The following SPTAN1 variants were observed in gnomAD, a reference collection of about 807,000 sequenced individuals.
SPTAN1 encodes the protein spectrin alpha, non-erythrocytic 1.
In SPTAN1, 61 loss-of-function variants were observed where a neutral mutation model predicts 331.3. The ratio of observed to expected loss-of-function variants is 0.18; its 90% CI spans 0.15 to 0.23. The LOEUF (loss-of-function observed/expected upper bound fraction) is 0.23, where lower values mean the gene tolerates loss of function less well. SPTAN1 is among the 10% of genes least tolerant of loss of function. SPTAN1 has a pLI of 1.00. For missense variants in SPTAN1, 2,043 were observed against 3,147.9 expected, an observed-to-expected ratio of 0.65 and a Z score of 8.40; for synonymous variants, 1,153 against 1,173.9, an observed-to-expected ratio of 0.98 and a Z score of 0.36.
chr9:128,576,246 A>G (rs1224225669), intron 5 of SPTAN1, among the ~76,000 whole-genome samples: 1 of 152,206 alleles, frequency 6.6e-6, no homozygotes, highest in Non-Finnish European at 1.5e-5. Flanking sequence ...ATACTTTTAA[A>G]GAAATGTCTC....
At chr9:128,618,215 C>T in intron 43 of SPTAN1, 107 bp downstream of exon 43, 1 of 1,531,114 alleles carries the variant, frequency 6.5e-7, no homozygotes, top group South Asian at 1.2e-5. Context: ...TCTCCTGGAC[C>T]TTTGGCCTCA....
chr9:128,586,002 A>G (rs988126368), intron 19 of SPTAN1, 37 bp downstream of exon 19: 2 of 1,592,280 alleles, frequency 1.3e-6, no homozygotes, highest in South Asian at 1.1e-5. Flanking sequence ...CTGCCAGGGA[A>G]GTGGAACAGG....
intron 49 of SPTAN1, chr9:128,626,977 G>A: frequency 3.4e-6 from 2 of 592,742 alleles, no homozygotes; most frequent in Non-Finnish European, 6.3e-6. Flanking sequence ...ACCACGCCTG[G>A]CTAATTATTT....
intron 1 of SPTAN1, among the ~76,000 whole-genome samples, chr9:128,562,958 C>A (rs1443243225): frequency 7.1e-6 from 1 of 140,782 alleles, no homozygotes. Flanking sequence ...GAGTGAGACT[C>A]CGTCTAAAAA....
intron 11 of SPTAN1, among the ~76,000 whole-genome samples, chr9:128,581,454 C>T (rs1851927707): frequency 1.5e-5 from 2 of 129,902 alleles, no homozygotes; most frequent in South Asian, 2.5e-4. Flanking sequence ...GCCTGTGCAA[C>T]AGACCGAGAT....
intron 2 of SPTAN1, among the ~76,000 whole-genome samples, chr9:128,568,425 G>A (rs1230146384): frequency 6.6e-6 from 1 of 152,234 alleles, no homozygotes; most frequent in Non-Finnish European, 1.5e-5. Context: ...GTATGGTTCT[G>A]TATTTCTAGA....
intron 46 of SPTAN1, chr9:128,624,826 T>A (rs1858488238): frequency 5.2e-6 from 3 of 571,502 alleles, no homozygotes; most frequent in Non-Finnish European, 6.2e-6. Context: ...AGCTCCTGGG[T>A]GAGGGAAAAC....
chr9:128,588,645 T>A (rs914524155), intron 20 of SPTAN1, among the ~76,000 whole-genome samples, 164 bp from the exon 21 acceptor site: 10 of 152,056 alleles, frequency 6.6e-5, no homozygotes, highest in Non-Finnish European at 1.3e-4. Context: ...TACCAAAAAT[T>A]TAAAGTTCTT....
rs1060503488 is a variant in SPTAN1 at position 128,577,512 on chromosome 9, A to G, written c.1085+6A>G. On this transcript the variant is annotated splice_donor_region_variant and intron_variant, in intron 8 of 56. Coordinates refer to ENST00000372739, the MANE Select transcript of SPTAN1 (RefSeq NM_001130438.3). This position sits in a 1 kb window ranked among gnomAD's most constrained non-coding sequence, Gnocchi z 4.2. ...CGGCTCAATGATTCATACAGGTGCA[A>G]ATAATGCTCCAGGTCTTAACCAGTA... 5 of 1,613,514 alleles carry G rather than the reference A, an allele frequency of 3.1e-6. No individual in the cohort carries two copies. Among genetic ancestry groups the G allele is most frequent in the Non-Finnish European group, 4.2e-6 (5 of 1,180,042 alleles).
At chr9:128,557,796 TTTC>T (rs1222893559) in intron 1 of SPTAN1, among the ~76,000 whole-genome samples, 80 of 127,686 alleles carry the variant, frequency 6.3e-4, no homozygotes, top group Non-Finnish European at 6.6e-4. Context: ...AAATTAGAAA[TTTC>T]TTTTTTTTTT....
chr9:128,626,869 C>G, intron 49 of SPTAN1, 182 bp downstream of exon 49: 1 of 724,458 alleles, frequency 1.4e-6, no homozygotes, highest in African/African-American at 1.7e-5. Flanking sequence ...GGCTTCAGTG[C>G]AGTGGTGCTA....
chr9:128,604,973 T>A, intron 29 of SPTAN1, 61 bp from the exon 30 acceptor site: 1 of 1,541,002 alleles, frequency 6.5e-7, no homozygotes, highest in African/African-American at 1.4e-5. Flanking sequence ...TTTTTTTTAG[T>A]GTCCTGTAAT....
chr9:128,612,356 T>G, intron 39 of SPTAN1, 110 bp downstream of exon 39: 1 of 1,384,434 alleles, frequency 7.2e-7, no homozygotes, highest in East Asian at 2.3e-5. Context: ...CAGACACCCC[T>G]TTTGACAGAA....
intron 49 of SPTAN1, 90 bp downstream of exon 49, chr9:128,626,777 A>G: frequency 8.2e-7 from 1 of 1,216,738 alleles, no homozygotes; most frequent in Non-Finnish European, 1.1e-6. Context: ...GAGTCACGAC[A>G]AGACGAGCAG....
chr9:128,609,895 T>G (rs1856381994), intron 37 of SPTAN1, among the ~76,000 whole-genome samples: 1 of 152,208 alleles, frequency 6.6e-6, no homozygotes, highest in African/African-American at 2.4e-5. Flanking sequence ...CCCCAGTTTA[T>G]CACTTAGGCA....
At chr9:128,623,003 G>T (rs1358627654) in intron 45 of SPTAN1, among the ~76,000 whole-genome samples, 2 of 151,492 alleles carry the variant, frequency 1.3e-5, no homozygotes, top group Admixed American at 6.6e-5. Flanking sequence ...CGCCTGCCTC[G>T]GCCTCCCAAA....
At chr9:128,601,159 G>A (rs908120841) in intron 27 of SPTAN1, among the ~76,000 whole-genome samples, 3 of 149,632 alleles carry the variant, frequency 2.0e-5, no homozygotes, top group Non-Finnish European at 4.5e-5. Flanking sequence ...ATTTTTGTAT[G>A]TTCAGAAGAG....
chr9:128,602,116 C>T (rs1033974595), intron 27 of SPTAN1, among the ~76,000 whole-genome samples: 1 of 151,810 alleles, frequency 6.6e-6, no homozygotes, highest in Non-Finnish European at 1.5e-5. Context: ...CTCCTATAAA[C>T]ACACGGGTTG....
intron 27 of SPTAN1, among the ~76,000 whole-genome samples, chr9:128,603,066 C>G (rs888843415): frequency 1.3e-5 from 2 of 152,274 alleles, no homozygotes; most frequent in East Asian, 3.9e-4. Context: ...AAGCCGTTGC[C>G]CTTCAACGGG....
Sources: gnomAD v4.1 joint callset for allele counts (sites outside exome capture counted in the v4.1 genomes callset) on GRCh38, gnomAD v4.1.1 for gene constraint, Gnocchi (gnomAD v3.1) non-coding constraint, MANE v1.5 for transcripts, NCBI Gene and HGNC (gene_info 2026-07-23, HGNC 2026-07-21) for gene names.